The following GRM8 variants were observed in gnomAD, a reference collection of about 807,000 sequenced individuals.
GRM8 encodes metabotropic glutamate receptor 8.
GRM8 carries 47 observed loss-of-function variants against 87.2 expected under a neutral mutation model. The ratio of observed to expected loss-of-function variants is 0.54; its 90% CI spans 0.43 to 0.69. The LOEUF is 0.69. Ranked by LOEUF, GRM8 falls within the 30% of genes least tolerant of loss-of-function variation. The pLI, the probability that GRM8 is intolerant of heterozygous loss-of-function variation, is 0.00. For missense variants in GRM8, 1,019 were observed against 1,139.2 expected, an observed-to-expected ratio of 0.89 and a Z score of 1.52; for synonymous variants, 396 against 404.5, an observed-to-expected ratio of 0.98 and a Z score of 0.25.
At chr7:127,221,566 T>C (rs1174955160) in intron 2 of GRM8, among the ~76,000 whole-genome samples, 3 of 152,230 alleles carry the variant, frequency 2.0e-5, no homozygotes, top group South Asian at 4.1e-4. Flanking sequence ...CTATGATTGA[T>C]GCTTCAGAGC....
At chr7:126,915,476 C>T (rs1252186153) in intron 3 of GRM8, among the ~76,000 whole-genome samples, 6 of 152,198 alleles carry the variant, frequency 3.9e-5, no homozygotes, top group African/African-American at 1.4e-4. Flanking sequence ...CAAGTATACA[C>T]AGAATCACAA....
chr7:126,596,226 T>A (rs1001357199), intron 8 of GRM8, among the ~76,000 whole-genome samples: 2 of 152,164 alleles, frequency 1.3e-5, no homozygotes, highest in South Asian at 4.1e-4. Context: ...CTTTGAGAAA[T>A]CTCCAAACTG....
chr7:127,062,004 C>T (rs947098335), intron 3 of GRM8, among the ~76,000 whole-genome samples: 23 of 151,936 alleles, frequency 1.5e-4, no homozygotes, highest in African/African-American at 2.2e-4. Context: ...GGCTGCCAGG[C>T]GTGGTGATGT....
intron 6 of GRM8, among the ~76,000 whole-genome samples, chr7:126,850,234 C>T (rs1053653667): frequency 6.6e-6 from 1 of 152,176 alleles, no homozygotes; most frequent in Non-Finnish European, 1.5e-5. Context: ...TTTTCATCTA[C>T]ACTTGGCTTC....
At chr7:126,939,538 G>C (rs1164681317) in intron 3 of GRM8, among the ~76,000 whole-genome samples, 1 of 152,118 alleles carries the variant, frequency 6.6e-6, no homozygotes, top group East Asian at 1.9e-4. Flanking sequence ...TTCAGATAAT[G>C]GATGACGGAA....
intron 8 of GRM8, among the ~76,000 whole-genome samples, chr7:126,596,986 T>G (rs117503861): frequency 2.7e-3 from 410 of 152,220 alleles, no homozygotes; most frequent in Non-Finnish European, 3.6e-3. Context: ...ACTAGTAAAA[T>G]TTAGTACATT....
intron 2 of GRM8, among the ~76,000 whole-genome samples, chr7:127,223,525 G>A (rs115664972): frequency 8.6e-5 from 13 of 151,104 alleles, no homozygotes; most frequent in African/African-American, 3.2e-4. Context: ...AGACCTAGTG[G>A]GGAACCTAGA....
chr7:127,084,594 A>T (rs190929481), intron 3 of GRM8: 13 of 152,340 alleles, frequency 8.5e-5, no homozygotes, highest in Admixed American at 8.5e-4. Context: ...AGATTCTATA[A>T]GTCAATAAAA....
chr7:126,944,557 A>G (rs1051668270), intron 3 of GRM8, among the ~76,000 whole-genome samples: 4 of 152,250 alleles, frequency 2.6e-5, no homozygotes, highest in Non-Finnish European at 4.4e-5. Flanking sequence ...ACAGTAGTCA[A>G]AAAGAGGTTT....
rs556468108 is a variant in GRM8 at position 127,234,018 on chromosome 7, G to T, written c.510+8677C>A. On this transcript the variant is annotated intron_variant, in intron 2 of 10. Coordinates refer to ENST00000339582, the MANE Select transcript of GRM8 (RefSeq NM_000845.3). Reference sequence around the variant, plus strand: ...AGAGATGTCTCTTTTGCCAGAAAGTGTGTTATATCAATTAAATGGGTAAAT... The same window carrying T: ...AGAGATGTCTCTTTTGCCAGAAAGTTTGTTATATCAATTAAATGGGTAAAT... Among the ~76,000 whole-genome samples the T allele has an allele frequency of 2.6e-5, 4 of 152,344 alleles. No homozygotes were observed. The South Asian group carries it at 8.3e-4, about 32-fold the overall frequency.
chr7:126,813,606 G>C (rs1376526283), intron 6 of GRM8, among the ~76,000 whole-genome samples: 1 of 152,036 alleles, frequency 6.6e-6, no homozygotes, highest in Non-Finnish European at 1.5e-5. Context: ...TTTAGATCAT[G>C]TGTCACCTGT....
intron 7 of GRM8, among the ~76,000 whole-genome samples, chr7:126,616,603 G>A (rs1483214410): frequency 2.0e-5 from 3 of 152,100 alleles, no homozygotes; most frequent in Non-Finnish European, 1.5e-5. Context: ...TTTTTGAAAA[G>A]ATCAACAAAA....
At chr7:126,784,304 T>C (rs1211187330) in intron 6 of GRM8, among the ~76,000 whole-genome samples, 2 of 152,204 alleles carry the variant, frequency 1.3e-5, no homozygotes, top group Non-Finnish European at 2.9e-5. Context: ...TTTCAATGCA[T>C]GCACATGCAA....
intron 8 of GRM8, among the ~76,000 whole-genome samples, chr7:126,590,131 AAT>A (rs1306138461): frequency 1.0e-4 from 15 of 147,522 alleles, no homozygotes; most frequent in African/African-American, 3.2e-4. Flanking sequence ...AAAAAAAAAA[AAT>A]GATAGACGGT....
chr7:126,514,285 T>C (rs1811855763), intron 9 of GRM8, among the ~76,000 whole-genome samples: 1 of 152,114 alleles, frequency 6.6e-6, no homozygotes, highest in Non-Finnish European at 1.5e-5. Flanking sequence ...ATGCATCCAA[T>C]TTCTATGTGG....
intron 3 of GRM8, among the ~76,000 whole-genome samples, chr7:126,938,392 C>A (rs1806559568): frequency 6.6e-6 from 1 of 152,166 alleles, no homozygotes; most frequent in South Asian, 2.1e-4. Flanking sequence ...TGAAGTATTA[C>A]ATTTTGACAT....
intron 6 of GRM8, among the ~76,000 whole-genome samples, chr7:126,825,364 C>A (rs912862431): frequency 4.6e-5 from 7 of 152,130 alleles, no homozygotes; most frequent in African/African-American, 9.7e-5. Context: ...CTATGCCCGG[C>A]CCCAAACATA....
intron 3 of GRM8, among the ~76,000 whole-genome samples, chr7:126,925,742 G>A (rs1449718091): frequency 6.6e-6 from 1 of 152,112 alleles, no homozygotes; most frequent in African/African-American, 2.4e-5. Context: ...TTTAAGTCTT[G>A]GCACACAGTC....
chr7:127,062,125 C>T (rs1820651009), intron 3 of GRM8, among the ~76,000 whole-genome samples: 1 of 131,018 alleles, frequency 7.6e-6, no homozygotes, highest in Non-Finnish European at 1.6e-5. Flanking sequence ...GCCTGGGCAA[C>T]AGAGCAAGAC....
Sources: allele counts gnomAD v4.1 joint callset (sites outside exome capture counted in the v4.1 genomes callset), GRCh38; gene constraint gnomAD v4.1.1; transcripts MANE v1.5; gene names NCBI Gene and HGNC (gene_info 2026-07-23, HGNC 2026-07-21).